The following ZNF177 variants were observed in gnomAD, a reference collection of about 807,000 sequenced individuals.
ZNF177 encodes zinc finger protein 177.
ZNF177 carries 17 observed loss-of-function variants against 19.4 expected under a neutral mutation model. The observed-to-expected ratio is 0.87, with a 90% confidence interval of 0.60 to 1.31. The LOEUF is 1.31. Ranked by LOEUF, ZNF177 falls within the 40% of genes most tolerant of loss-of-function variation. The pLI is 0.00. For missense variants in ZNF177, 633 were observed against 561.8 expected (o/e 1.13, Z -1.28); for synonymous variants, 220 against 188.7 (o/e 1.17, Z -1.36).
upstream of ZNF177, among the ~76,000 whole-genome samples, chr19:9,374,301 T>C (rs2068083361): frequency 6.6e-6 from 1 of 152,218 alleles, no homozygotes; most frequent in Non-Finnish European, 1.5e-5. Context: ...ACAGTACCTT[T>C]GTAATATATT....
At chr19:9,370,679 T>C (rs1378748530) in intron 2 of ZNF177, among the ~76,000 whole-genome samples, 1 of 152,140 alleles carries the variant, frequency 6.6e-6, no homozygotes, top group African/African-American at 2.4e-5. Flanking sequence ...GCCCCAGCTT[T>C]CCAAAGTGCT....
At chr19:9,378,666 G>A (rs2068145631) in intron 2 of ZNF177, 2 of 543,920 alleles carry the variant, frequency 3.7e-6, no homozygotes, top group South Asian at 2.8e-5. Context: ...TGTCTATACT[G>A]GATCTGAATA....
chr19:9,373,977 A>ATT, upstream of ZNF177, among the ~76,000 whole-genome samples: 1 of 152,172 alleles, frequency 6.6e-6, no homozygotes, highest in Admixed American at 6.5e-5. Context: ...CTTTAAAAAA[A>ATT]AAATTTGTCA....
chr19:9,369,622 A>G (rs1236691311), intron 2 of ZNF177, among the ~76,000 whole-genome samples: 2 of 151,618 alleles, frequency 1.3e-5, no homozygotes, highest in Non-Finnish European at 2.9e-5. Flanking sequence ...ATTTTTTACC[A>G]TCTTACATTT....
upstream of ZNF177, among the ~76,000 whole-genome samples, chr19:9,375,656 G>T (rs1459276852): frequency 6.6e-6 from 1 of 151,886 alleles, no homozygotes; most frequent in African/African-American, 2.4e-5. Context: ...ATATTTCTGT[G>T]GTTATCAGTT....
intron 3 of ZNF177, 23 bp downstream of exon 5, chr19:9,379,111 A>G: frequency 6.3e-7 from 1 of 1,581,760 alleles, no homozygotes; most frequent in Non-Finnish European, 8.6e-7. Flanking sequence ...TCATTTCTTC[A>G]TTTGTTTATG....
exon 6 of ZNF177, chr19:9,381,390 A>G (rs2068198754): frequency 1.2e-6 from 2 of 1,610,706 alleles, no homozygotes; most frequent in Non-Finnish European, 1.7e-6. Context: ...CTGTTCCTTC[A>G]TCCCTTCAGA....
In ZNF177 at chr19:9,377,463, C is replaced by T. The variant is rs191272548; in HGVS notation, c.-53-796C>T. On this transcript the variant is annotated intron_variant, in intron 1 of 5. Transcript: ENST00000589262. ...TTGTCACCATAGGAGATGTCAGCTC[C>T]GTGCATGTTATTGCCCCTGAATACC... 6.2e-4 allele frequency among the ~76,000 whole-genome samples: 94 copies of T among 152,206 alleles called. No homozygotes were observed. The East Asian group carries it at 7.0e-3, about 11-fold the overall frequency.
intron 1 of ZNF177, chr19:9,363,405 C>G (rs961632584): frequency 2.0e-5 from 3 of 152,238 alleles, no homozygotes; most frequent in African/African-American, 7.2e-5. Flanking sequence ...AGAAAATGCT[C>G]TCTTGGACCT....
At chr19:9,364,321 C>T (rs1360842401) in intron 1 of ZNF177, among the ~76,000 whole-genome samples, 1 of 152,134 alleles carries the variant, frequency 6.6e-6, no homozygotes, top group African/African-American at 2.4e-5. Context: ...CTAGAGTCAA[C>T]TTGGGCCTGG....
Position 9,381,814 on chromosome 19 carries a change from C to CCTTTCTCA in ZNF177, c.*42_*49dup, listed in dbSNP as rs766291394. 2,319 of 1,552,360 alleles carry CCTTTCTCA rather than the reference C, an allele frequency of 1.5e-3. 3 individuals carry two copies. Among genetic ancestry groups the CCTTTCTCA allele is most frequent in the Non-Finnish European group, 1.9e-3 (2,179 of 1,153,478 alleles). On this transcript the variant is annotated 3_prime_UTR_variant, in exon 6 of 6. Transcript: ENST00000589262. Reference sequence around the variant, plus strand: ...GAAGTGTTTGTTGCCCCTCATGCCTCCTTTCTCACTTTAGAACATATATTG... The same window carrying CCTTTCTCA: ...GAAGTGTTTGTTGCCCCTCATGCCTCCTTTCTCACTTTCTCACTTTAGAACATATATTG...
chr19:9,369,518 T>TA (rs1165121991), intron 2 of ZNF177, among the ~76,000 whole-genome samples: 7 of 152,120 alleles, frequency 4.6e-5, no homozygotes, highest in Non-Finnish European at 8.8e-5. Context: ...TGAAATAACA[T>TA]AGAGCTAGTT....
At chr19:9,375,602 A>T (rs1015396520), upstream of ZNF177, among the ~76,000 whole-genome samples, 1 of 152,018 alleles carries the variant, frequency 6.6e-6, no homozygotes, top group Non-Finnish European at 1.5e-5. Context: ...TAGGTTATCC[A>T]ATTTTTTGGC....
intron 2 of ZNF177, among the ~76,000 whole-genome samples, chr19:9,368,360 T>C (rs1456566604): frequency 1.3e-5 from 2 of 152,104 alleles, no homozygotes; most frequent in Non-Finnish European, 2.9e-5. Context: ...TTTGGTAAGT[T>C]GTATTTCTGT....
exon 6 of ZNF177, chr19:9,381,910 C>T (rs2068209475): frequency 7.5e-7 from 1 of 1,330,700 alleles, no homozygotes; most frequent in African/African-American, 1.5e-5. Context: ...TATACTGGGA[C>T]AAACCTTATA....
chr19:9,381,932 T>TATGATTGTTTTTATCAGTGAGTATTTC, exon 6 of ZNF177: 5 of 1,150,346 alleles, frequency 4.3e-6, no homozygotes, highest in Non-Finnish European at 5.9e-6. Flanking sequence ...ATGTTATAGC[T>TATGATTGTTTTTATCAGTGAGTATTTC]ATGATTGTTT....
intron 5 of ZNF177, 139 bp from the exon 8 acceptor site, chr19:9,380,529 C>T (rs909289131): frequency 1.2e-4 from 185 of 1,506,884 alleles, no homozygotes; most frequent in South Asian, 3.7e-4. Flanking sequence ...AAAAGTCATA[C>T]GCACCTACTG....
upstream of ZNF177, among the ~76,000 whole-genome samples, chr19:9,374,462 T>A (rs1021111650): frequency 4.6e-5 from 7 of 152,158 alleles, no homozygotes; most frequent in African/African-American, 1.7e-4. Context: ...AATTTGTAGA[T>A]CACCTTTCAT....
chr19:9,368,305 T>TCAAC (rs1294220937), intron 2 of ZNF177, among the ~76,000 whole-genome samples: 1 of 151,828 alleles, frequency 6.6e-6, no homozygotes, highest in Admixed American at 6.6e-5. Flanking sequence ...ACAGTGTTAC[T>TCAAC]CAACCATCAC....
Sources: allele counts gnomAD v4.1 joint callset (sites outside exome capture counted in the v4.1 genomes callset), GRCh38; gene constraint gnomAD v4.1.1; transcripts MANE v1.5; gene names NCBI Gene and HGNC (gene_info 2026-07-23, HGNC 2026-07-21).